Variants in UNC5C observed in about 807,000 individuals in gnomAD.
UNC5C encodes the protein netrin receptor UNC5C.
Under a neutral mutation model 99.8 loss-of-function variants are expected in UNC5C, and 47 were observed. The ratio of observed to expected loss-of-function variants is 0.47; its 90% CI spans 0.37 to 0.60. UNC5C has a LOEUF of 0.60. UNC5C is among the 20% of genes least tolerant of loss of function. The pLI, the probability that UNC5C is intolerant of heterozygous loss-of-function variation, is 0.00. For synonymous variants in UNC5C, 487 were observed against 452.2 expected, an observed-to-expected ratio of 1.08 and a Z score of -0.98; for missense variants, 1,062 against 1,165.9, an observed-to-expected ratio of 0.91 and a Z score of 1.30.
At chr4:95,516,350 A>G (rs1434867641) in intron 1 of UNC5C, among the ~76,000 whole-genome samples, 1 of 152,194 alleles carries the variant, frequency 6.6e-6, no homozygotes, top group Non-Finnish European at 1.5e-5. Flanking sequence ...AACAGTATTG[A>G]CTGGGACAGA....
At chr4:95,223,743 A>G (rs2149369815) in intron 7 of UNC5C, among the ~76,000 whole-genome samples, 1 of 152,204 alleles carries the variant, frequency 6.6e-6, no homozygotes, top group South Asian at 2.1e-4. Context: ...TTCCATTTGT[A>G]TTCTGTGAAC....
chr4:95,185,890 A>G (rs1019823606), intron 12 of UNC5C, among the ~76,000 whole-genome samples: 11 of 152,212 alleles, frequency 7.2e-5, no homozygotes, highest in Non-Finnish European at 1.3e-4. Context: ...CAGTTACTCC[A>G]ATTACATTTT....
intron 4 of UNC5C, among the ~76,000 whole-genome samples, chr4:95,259,219 A>G (rs959942592): frequency 6.6e-6 from 1 of 152,120 alleles, no homozygotes; most frequent in African/African-American, 2.4e-5. Context: ...GTCCTCATTT[A>G]CAAAATGAGG....
At chr4:95,496,478 T>A (rs1721633957) in intron 1 of UNC5C, among the ~76,000 whole-genome samples, 1 of 151,794 alleles carries the variant, frequency 6.6e-6, no homozygotes. Context: ...GAACTTCCCA[T>A]CCTCAGTCAT....
chr4:95,457,003 C>T (rs1747451667), intron 1 of UNC5C, among the ~76,000 whole-genome samples: 1 of 152,052 alleles, frequency 6.6e-6, no homozygotes, highest in South Asian at 2.1e-4. Flanking sequence ...AAATTCTGTG[C>T]ATTTGCAGAA....
At chr4:95,392,389 T>C (rs1009535225) in intron 1 of UNC5C, among the ~76,000 whole-genome samples, 3 of 151,786 alleles carry the variant, frequency 2.0e-5, no homozygotes, top group Admixed American at 1.3e-4. Context: ...ATAATTTATA[T>C]ACTTAACAAA....
intron 1 of UNC5C, among the ~76,000 whole-genome samples, chr4:95,410,978 T>A (rs1745970015): frequency 6.6e-6 from 1 of 152,186 alleles, no homozygotes; most frequent in African/African-American, 2.4e-5. Context: ...GGACAAATGC[T>A]GCAATAACAA....
chr4:95,308,751 CAAAAAAAAAAA>C (rs59626139), intron 2 of UNC5C, among the ~76,000 whole-genome samples: 40 of 34,392 alleles, frequency 1.2e-3, no homozygotes, highest in African/African-American at 4.5e-3. Context: ...GACTCTGTCT[CAAAAAAAAAAA>C]AAAAAAAAAA....
At position 95,514,670 on chromosome 4, in the gene UNC5C, C is replaced by CAT. The variant is rs1397488226; in HGVS notation, c.124+34062_124+34063dup. 9.4e-5 allele frequency among the ~76,000 whole-genome samples: 14 copies of CAT among 148,436 alleles called. No individual in the cohort carries two copies. The South Asian group carries it at 1.1e-3, about 11-fold the overall frequency. ...TTATATATATATATACATATATACA[C>CAT]ATATATATATATTTTTCCTTGAGAT... On this transcript the variant is annotated intron_variant, in intron 1 of 15. Transcript: ENST00000453304.
chr4:95,419,333 T>C (rs1345364993), intron 1 of UNC5C, among the ~76,000 whole-genome samples: 1 of 152,226 alleles, frequency 6.6e-6, no homozygotes, highest in East Asian at 1.9e-4. Context: ...TTAAGAATTC[T>C]CTAATAACTG....
chr4:95,185,625 A>T (rs1416807942), intron 12 of UNC5C, among the ~76,000 whole-genome samples: 1 of 152,230 alleles, frequency 6.6e-6, no homozygotes. Context: ...ACAAATAACT[A>T]GAAGAGATAC....
rs549197352 is a variant in UNC5C at position 95,348,121 on chromosome 4, G to A, written c.125-12490C>T. 2.0e-5 allele frequency among the ~76,000 whole-genome samples: 3 copies of A among 152,152 alleles called. No individual in the cohort carries two copies. In the South Asian group the frequency reaches 6.2e-4, roughly 32 times the overall value. On this transcript the variant is annotated intron_variant, in intron 1 of 15. Transcript: ENST00000453304. The stretch of plus-strand genomic sequence containing the variant: ...AGATTTGAAAAGACATTTTTCAAAA[G>A]AAGACACACAAACGGCAAGCAGGTA...
At chr4:95,203,085 A>AGAG in intron 11 of UNC5C, 121 bp from the exon 12 acceptor site, 1 of 789,734 alleles carries the variant, frequency 1.3e-6, no homozygotes, top group South Asian at 1.7e-5. Flanking sequence ...TTTCTCTCTC[A>AGAG]GAGTTTATAA....
chr4:95,267,494 A>G (rs1178274777), intron 4 of UNC5C, among the ~76,000 whole-genome samples: 1 of 152,236 alleles, frequency 6.6e-6, no homozygotes, highest in Non-Finnish European at 1.5e-5. Context: ...ATAAGAAAGG[A>G]TGATGTTGCA....
chr4:95,342,244 GA>G (rs1420287082), intron 1 of UNC5C, among the ~76,000 whole-genome samples: 1 of 152,076 alleles, frequency 6.6e-6, no homozygotes, highest in Non-Finnish European at 1.5e-5. Flanking sequence ...CAGCTTATAG[GA>G]GACATTCCTT....
chr4:95,179,537 A>C (rs892520241), intron 14 of UNC5C, among the ~76,000 whole-genome samples: 3 of 152,184 alleles, frequency 2.0e-5, no homozygotes, highest in African/African-American at 7.2e-5. Flanking sequence ...ACCTGAGCTC[A>C]GGAGTTCGAG....
chr4:95,241,979 G>A (rs1378439826), intron 7 of UNC5C, among the ~76,000 whole-genome samples: 11 of 152,008 alleles, frequency 7.2e-5, no homozygotes, highest in Admixed American at 2.0e-4. Flanking sequence ...CTAAACATTC[G>A]TTCTAAGGTA....
At chr4:95,431,542 T>TA (rs57907726) in intron 1 of UNC5C, among the ~76,000 whole-genome samples, 3,579 of 151,074 alleles carry the variant, frequency 0.024, 148 homozygotes, top group African/African-American at 0.083. Context: ...GGGTAAAGAC[T>TA]AAAAAAAAAT....
At chr4:95,196,389 C>T (rs993745089) in intron 12 of UNC5C, among the ~76,000 whole-genome samples, 3 of 152,084 alleles carry the variant, frequency 2.0e-5, no homozygotes, top group Non-Finnish European at 4.4e-5. Flanking sequence ...TTTATGTGAA[C>T]ACAACTAGAG....
Sources: allele counts gnomAD v4.1 joint callset (sites outside exome capture counted in the v4.1 genomes callset), GRCh38; gene constraint gnomAD v4.1.1; transcripts MANE v1.5; gene names NCBI Gene and HGNC (gene_info 2026-07-23, HGNC 2026-07-21).